Variants in ABCA12 observed in about 807,000 individuals in gnomAD.
The protein encoded by ABCA12 is ATP binding cassette subfamily A member 12, also known as glucosylceramide transporter ABCA12.
ABCA12 carries 156 observed loss-of-function variants against 293.5 expected under a neutral mutation model. The ratio of observed to expected loss-of-function variants is 0.53; its 90% CI spans 0.47 to 0.61. The LOEUF is 0.61. ABCA12 is among the 20% of genes least tolerant of loss of function. The pLI, the probability that ABCA12 is intolerant of heterozygous loss-of-function variation, is 0.00. For synonymous variants in ABCA12, 1,063 were observed against 1,108.0 expected (o/e 0.96, Z 0.81); for missense variants, 2,797 against 3,090.2 (o/e 0.91, Z 2.25).
At chr2:214,972,254 T>C (rs1302913655) in intron 36 of ABCA12, among the ~76,000 whole-genome samples, 1 of 152,186 alleles carries the variant, frequency 6.6e-6, no homozygotes, top group Non-Finnish European at 1.5e-5. Flanking sequence ...CTCAAAAAAC[T>C]TAGTACTTTA....
rs60694142 is a variant in ABCA12, at chr2:214,982,137, G to A, written c.4579+50C>T. On this transcript the variant is annotated intron_variant, in intron 30 of 52. Coordinates refer to ENST00000272895, the MANE Select transcript of ABCA12 (RefSeq NM_173076.3). ...TCAGTTTGCTTTTGTATATGCCAGA[G>A]GGCAGAAGTATGACTGTTGGGTGGA... 10,058 of 1,595,792 alleles carry A rather than the reference G, an allele frequency of 6.3e-3. 191 individuals carry two copies. The African/African-American group carries it at 0.063, about 10-fold the overall frequency.
chr2:214,978,634 G>A (rs555232494), intron 32 of ABCA12, among the ~76,000 whole-genome samples, 168 bp from the exon 33 acceptor site: 2 of 152,190 alleles, frequency 1.3e-5, no homozygotes, highest in Non-Finnish European at 2.9e-5. Flanking sequence ...TGTCTAGCTG[G>A]GGCAACATTT....
intron 2 of ABCA12, among the ~76,000 whole-genome samples, chr2:215,109,707 T>C (rs931556808): frequency 6.6e-6 from 1 of 152,172 alleles, no homozygotes; most frequent in African/African-American, 2.4e-5. Flanking sequence ...TTAGTAGAAT[T>C]ATAAGAGCTT....
chr2:215,041,181 A>G lies in ABCA12; in HGVS notation c.873-4116T>C, dbSNP rs528402129. On this transcript the variant is annotated intron_variant, in intron 7 of 52. Transcript: ENST00000272895. ...AACATGTGGTATGCCATAAATATATACAATTTTTGTCAGTTAAAAATAAAT... is the reference window on the plus strand; with the variant it reads ...AACATGTGGTATGCCATAAATATATGCAATTTTTGTCAGTTAAAAATAAAT... 3.9e-5 allele frequency among the ~76,000 whole-genome samples: 6 copies of G among 152,354 alleles called. No individual in the cohort carries two copies. In the East Asian group the frequency reaches 1.2e-3, roughly 29 times the overall value.
At chr2:215,054,333 A>T (rs1192297322) in intron 4 of ABCA12, among the ~76,000 whole-genome samples, 6 of 152,104 alleles carry the variant, frequency 3.9e-5, no homozygotes, top group African/African-American at 1.4e-4. Context: ...TGCAATTCTC[A>T]ACATGTAGGC....
intron 51 of ABCA12, among the ~76,000 whole-genome samples, chr2:214,936,378 T>C (rs980484146): frequency 2.6e-5 from 4 of 152,326 alleles, no homozygotes; most frequent in Admixed American, 2.0e-4. Context: ...GTATTCCTAT[T>C]TACAAATGAG....
At chr2:215,124,305 C>A (rs1438683653) in intron 1 of ABCA12, among the ~76,000 whole-genome samples, 2 of 152,138 alleles carry the variant, frequency 1.3e-5, no homozygotes, top group African/African-American at 4.8e-5. Context: ...ATAATGACTT[C>A]TTTTCCTCTG....
At chr2:214,947,851 A>G (rs112922528) in intron 47 of ABCA12, 4 of 396,044 alleles carry the variant, frequency 1.0e-5, no homozygotes, top group East Asian at 5.9e-5. Flanking sequence ...CATTACCACA[A>G]GATTCTCTAG....
intron 9 of ABCA12, among the ~76,000 whole-genome samples, chr2:215,030,485 TC>T (rs1461421095): frequency 3.3e-5 from 5 of 150,360 alleles, no homozygotes; most frequent in Admixed American, 6.6e-5. Context: ...GCGCCTGTAG[TC>T]CCAGCTACTT....
chr2:215,035,346 GTCT>G (rs1700969436), intron 8 of ABCA12, among the ~76,000 whole-genome samples: 1 of 152,100 alleles, frequency 6.6e-6, no homozygotes, highest in Non-Finnish European at 1.5e-5. Context: ...GTATGTCCTT[GTCT>G]TCTTGACCAT....
At position 215,134,610 on chromosome 2, in the gene ABCA12, TATATATAG is replaced by T. The variant is rs549605475; in HGVS notation, c.69+3522_69+3529del. Among the ~76,000 whole-genome samples, 894 of 93,132 alleles carry T rather than the reference TATATATAG, an allele frequency of 9.6e-3. 48 individuals are homozygous for T. Among genetic ancestry groups the T allele is most frequent in the South Asian group, 0.024 (77 of 3,144 alleles). The allele number at this position is 93,132 out of a possible 152,430, so 61.1% of individuals were successfully genotyped here. A position where few individuals can be genotyped will look rare whatever the true frequency, so the allele number is the denominator to read the frequency against. On this transcript the variant is annotated intron_variant, in intron 1 of 52. Transcript: ENST00000272895. ...CTCTCTCTCTCTCTCTATATATATA[TATATATAG>T]AGAGAGAGAGAGAGAGAGAGAGACA...
chr2:215,060,902 A>G (rs1243666946), intron 3 of ABCA12, among the ~76,000 whole-genome samples: 3 of 152,090 alleles, frequency 2.0e-5, no homozygotes, highest in African/African-American at 7.2e-5. Context: ...TAGAAGCCGC[A>G]GGTCATGAAT....
chr2:214,974,182 T>C lies in ABCA12; in HGVS notation c.5469-140A>G, dbSNP rs907147642. ...ATTTACTGATTTTTCATAACTTCAG[T>C]GTACATTGCTCCACCATTTCCAAAT... On this transcript the variant is annotated intron_variant, in intron 35 of 52. Transcript: ENST00000272895. 8 of 786,856 alleles carry C rather than the reference T, an allele frequency of 1.0e-5. No homozygotes were observed. In the African/African-American group the frequency reaches 1.4e-4, roughly 13 times the overall value. The allele number at this position is 786,856 out of a possible 1,614,324, so 48.7% of individuals were successfully genotyped here. A position where few individuals can be genotyped will look rare whatever the true frequency, so the allele number is the denominator to read the frequency against.
intron 7 of ABCA12, among the ~76,000 whole-genome samples, chr2:215,044,809 C>A: frequency 6.6e-6 from 1 of 152,128 alleles, no homozygotes; most frequent in East Asian, 1.9e-4. Context: ...TTTATCAATA[C>A]AAGGGCTTAT....
intron 26 of ABCA12, among the ~76,000 whole-genome samples, chr2:214,988,883 A>T (rs979922571): frequency 2.0e-5 from 3 of 151,458 alleles, no homozygotes; most frequent in African/African-American, 4.8e-5. Context: ...TTTTTTAATT[A>T]AAAAAAAGTT....
intron 7 of ABCA12, among the ~76,000 whole-genome samples, chr2:215,038,361 GTCTC>G (rs1559160601): frequency 6.6e-6 from 1 of 152,092 alleles, no homozygotes; most frequent in Non-Finnish European, 1.5e-5. Flanking sequence ...TACAGCTGGG[GTCTC>G]TCTATTTCAA....
chr2:215,050,091 A>G (rs538810708), intron 5 of ABCA12, among the ~76,000 whole-genome samples: 6 of 152,290 alleles, frequency 3.9e-5, no homozygotes, highest in East Asian at 1.9e-4. Context: ...GAAAACCTCA[A>G]TGCACAGAGT....
At chr2:215,003,625 T>C (rs1437272950) in intron 20 of ABCA12, among the ~76,000 whole-genome samples, 29 of 151,688 alleles carry the variant, frequency 1.9e-4, no homozygotes, top group Non-Finnish European at 1.5e-5. Flanking sequence ...CTACCTATGA[T>C]TGAAGAAAAA....
At chr2:215,112,081 AT>A (rs1702583628) in intron 1 of ABCA12, among the ~76,000 whole-genome samples, 1 of 152,160 alleles carries the variant, frequency 6.6e-6, no homozygotes, top group Non-Finnish European at 1.5e-5. Flanking sequence ...ACCCAAAATA[AT>A]TTCAACCTAT....
Sources: allele counts gnomAD v4.1 joint callset (sites outside exome capture counted in the v4.1 genomes callset), GRCh38; gene constraint gnomAD v4.1.1; transcripts MANE v1.5; gene names NCBI Gene and HGNC (gene_info 2026-07-23, HGNC 2026-07-21).